The following RBFOX1 variants were observed in gnomAD, a reference collection of about 807,000 sequenced individuals.
RBFOX1 encodes the protein RNA binding protein fox-1 homolog 1.
A neutral mutation model predicts 57.7 loss-of-function variants in RBFOX1; 8 were observed. The ratio of observed to expected loss-of-function variants is 0.14; its 90% CI spans 0.08 to 0.25. The LOEUF (loss-of-function observed/expected upper bound fraction) is 0.25, where lower values mean the gene tolerates loss of function less well. RBFOX1 is among the 10% of genes least tolerant of loss of function. RBFOX1 has a pLI of 1.00. For synonymous variants in RBFOX1, 326 were observed against 222.4 expected (o/e 1.47, Z -4.15); for missense variants, 611 against 548.5 (o/e 1.11, Z -1.14).
At chr16:5,580,380 A>G (rs1329934458) in intron 2 of RBFOX1, among the ~76,000 whole-genome samples, 2 of 152,194 alleles carry the variant, frequency 1.3e-5, no homozygotes, top group Non-Finnish European at 2.9e-5. Flanking sequence ...TCAGCCTGGC[A>G]CCATTTTCCG....
chr16:7,378,461 C>G (rs1338412591), intron 4 of RBFOX1, among the ~76,000 whole-genome samples: 1 of 152,154 alleles, frequency 6.6e-6, no homozygotes, highest in Admixed American at 6.5e-5. Flanking sequence ...CTGCTGTCTT[C>G]CAAGCCTTCT....
intron 4 of RBFOX1, among the ~76,000 whole-genome samples, chr16:7,175,572 A>G (rs2081500175): frequency 6.6e-6 from 1 of 152,112 alleles, no homozygotes; most frequent in South Asian, 2.1e-4. Flanking sequence ...CTCATAGGCA[A>G]AGGATCCCAT....
chr16:5,684,227 T>C lies in RBFOX1; in HGVS notation c.318+85266T>C, dbSNP rs375378057. 2.0e-5 allele frequency among the ~76,000 whole-genome samples: 3 copies of C among 152,260 alleles called. No homozygotes were observed. The East Asian group carries it at 5.8e-4, about 29-fold the overall frequency. On this transcript the variant is annotated intron_variant, in intron 3 of 19. Transcript: ENST00000641259. ...CCCTCTTCGAGGGCTGACAGGATTG[T>C]AGGTTGGTATGCTCTCTTTGCAGAA...
At chr16:6,847,493 G>A (rs561254413) in intron 3 of RBFOX1, among the ~76,000 whole-genome samples, 1 of 152,184 alleles carries the variant, frequency 6.6e-6, no homozygotes, top group East Asian at 2.0e-4. Context: ...CCTTACCACT[G>A]TGGCCCACGT....
At chr16:6,966,168 G>A (rs753618982) in intron 3 of RBFOX1, among the ~76,000 whole-genome samples, 3 of 152,234 alleles carry the variant, frequency 2.0e-5, no homozygotes, top group Middle Eastern at 3.4e-3. Context: ...TTACGCTCTT[G>A]CCAGAGGCTT....
At chr16:5,448,892 C>T (rs1215039651) in intron 1 of RBFOX1, among the ~76,000 whole-genome samples, 1 of 152,122 alleles carries the variant, frequency 6.6e-6, no homozygotes, top group Non-Finnish European at 1.5e-5. Context: ...CATGATCCGC[C>T]TGCTACCTGC....
At chr16:6,574,821 G>C (rs150342522) in intron 2 of RBFOX1, among the ~76,000 whole-genome samples, 18,183 of 149,260 alleles carry the variant, frequency 0.12, 1,373 homozygotes, top group East Asian at 0.39. Context: ...GGCGGATCAC[G>C]AGGTCAGGCG....
At chr16:5,266,042 A>AT (rs1160402800) in intron 1 of RBFOX1, among the ~76,000 whole-genome samples, 1 of 131,064 alleles carries the variant, frequency 7.6e-6, no homozygotes, top group East Asian at 2.1e-4. Flanking sequence ...CACCAGGCTG[A>AT]TTAAAAAAAA....
At chr16:5,473,186 T>C (rs373574048) in intron 2 of RBFOX1, among the ~76,000 whole-genome samples, 23 of 152,364 alleles carry the variant, frequency 1.5e-4, no homozygotes, top group African/African-American at 5.1e-4. Flanking sequence ...TTCTCATGTT[T>C]ATTTACATGA....
chr16:6,154,508 C>G (rs1180501269), intron 1 of RBFOX1, among the ~76,000 whole-genome samples: 1 of 152,046 alleles, frequency 6.6e-6, no homozygotes, highest in Non-Finnish European at 1.5e-5. Flanking sequence ...TCTGTAAGGT[C>G]TTTGAGGTAA....
intron 5 of RBFOX1, among the ~76,000 whole-genome samples, chr16:7,557,655 AAAAAAG>A (rs2089078121): frequency 3.8e-4 from 54 of 143,062 alleles, no homozygotes; most frequent in Non-Finnish European, 4.8e-4. Flanking sequence ...AAAAGAAAAA[AAAAAAG>A]CATTTTCTTA....
At chr16:7,114,244 G>A (rs2065402638) in intron 4 of RBFOX1, among the ~76,000 whole-genome samples, 1 of 152,100 alleles carries the variant, frequency 6.6e-6, no homozygotes. Context: ...AAGTGATTGT[G>A]TGTGCACATG....
intron 3 of RBFOX1, among the ~76,000 whole-genome samples, chr16:5,669,125 T>C (rs1451269103): frequency 6.6e-6 from 1 of 152,186 alleles, no homozygotes; most frequent in Non-Finnish European, 1.5e-5. Flanking sequence ...TGTAATCTCA[T>C]GGAGCTGAAA....
intron 2 of RBFOX1, among the ~76,000 whole-genome samples, chr16:6,636,671 A>G (rs1192743585): frequency 2.7e-5 from 4 of 149,754 alleles, no homozygotes; most frequent in Admixed American, 6.7e-5. Flanking sequence ...ACCGAGCTAC[A>G]TCACATAAAC....
intron 3 of RBFOX1, among the ~76,000 whole-genome samples, chr16:5,632,187 G>A (rs2215249): frequency 0.058 from 8,757 of 152,234 alleles, 838 homozygotes; most frequent in African/African-American, 0.2. Context: ...TATGCATTCA[G>A]TATACTAAAA....
intron 3 of RBFOX1, among the ~76,000 whole-genome samples, chr16:6,658,936 G>GTTTTTTTTTTTT (rs764621530): frequency 5.5e-5 from 6 of 108,482 alleles, no homozygotes; most frequent in South Asian, 2.9e-4. Context: ...TGGTTTTTTT[G>GTTTTTTTTTTTT]TTTTTTTTGT....
chr16:6,160,926 C>T (rs907925234), intron 1 of RBFOX1, among the ~76,000 whole-genome samples: 1 of 152,186 alleles, frequency 6.6e-6, no homozygotes, highest in African/African-American at 2.4e-5. Flanking sequence ...CCTGCTTTAT[C>T]ATATCATGAC....
At chr16:7,297,010 G>C (rs972171816) in intron 4 of RBFOX1, among the ~76,000 whole-genome samples, 54 of 152,124 alleles carry the variant, frequency 3.5e-4, no homozygotes, top group South Asian at 1.5e-3. Context: ...GGAAGAGCTG[G>C]GTTGAAAGAT....
At chr16:5,419,537 A>C (rs974704729) in intron 1 of RBFOX1, among the ~76,000 whole-genome samples, 1 of 151,844 alleles carries the variant, frequency 6.6e-6, no homozygotes, top group Non-Finnish European at 1.5e-5. Flanking sequence ...ACACCCTCAT[A>C]GACACACCCA....
Sources: allele counts gnomAD v4.1 joint callset (sites outside exome capture counted in the v4.1 genomes callset), GRCh38; gene constraint gnomAD v4.1.1; transcripts MANE v1.5; gene names NCBI Gene and HGNC (gene_info 2026-07-23, HGNC 2026-07-21).